Variants in ADAMTS7 observed in about 807,000 individuals in gnomAD.
ADAMTS7 encodes ADAM metallopeptidase with thrombospondin type 1 motif 7.
In ADAMTS7, 89 loss-of-function variants were observed where a neutral mutation model predicts 172.6. The ratio of observed to expected loss-of-function variants is 0.52; its 90% confidence interval spans 0.43 to 0.61. The LOEUF is 0.61. Among genes scored for constraint, ADAMTS7 ranks in the 20% least tolerant of loss-of-function variants. ADAMTS7 has a pLI of 0.00. For missense variants in ADAMTS7, 1,973 were observed against 2,355.6 expected (o/e 0.84, Z 3.36); for synonymous variants, 885 against 978.4 (o/e 0.90, Z 1.78).
chr15:78,776,347 C>T lies in ADAMTS7; in HGVS notation c.1561-14G>A, dbSNP rs751286779. ...ACTGAGACACCACTACTGAGACAGA[C>T]GGAGGTAGAGCCACCCCACCCCCAA... On this transcript the variant is annotated splice_polypyrimidine_tract_variant and intron_variant, in intron 10 of 23. Transcript: ENST00000388820. 2.3e-5 allele frequency: 37 copies of T among 1,607,498 alleles called. No individual in the cohort carries two copies. The highest frequency in any genetic ancestry group is 5.4e-5 in the African/African-American group (4 of 74,742).
intron 10 of ADAMTS7, 76 bp downstream of exon 10, chr15:78,776,673 C>A: frequency 1.4e-6 from 2 of 1,402,006 alleles, no homozygotes; most frequent in South Asian, 1.3e-5. Flanking sequence ...TGAGCCGGGG[C>A]TGACCCCAGG....
chr15:78,779,037 G>C (rs1413890698), intron 8 of ADAMTS7, among the ~76,000 whole-genome samples: 1 of 152,140 alleles, frequency 6.6e-6, no homozygotes, highest in Non-Finnish European at 1.5e-5. Flanking sequence ...AGTGGAGTGG[G>C]TGTTTGCGTG....
At chr15:78,798,620 C>A (rs554741863) in intron 2 of ADAMTS7, among the ~76,000 whole-genome samples, 4 of 152,284 alleles carry the variant, frequency 2.6e-5, no homozygotes, top group East Asian at 1.9e-4. Flanking sequence ...CACACCCGAG[C>A]GGAGGAGATG....
chr15:78,807,240 C>A (rs1331072454), intron 1 of ADAMTS7, among the ~76,000 whole-genome samples: 61 of 152,166 alleles, frequency 4.0e-4, no homozygotes, highest in Non-Finnish European at 2.4e-4. Flanking sequence ...TCCTCAAATG[C>A]ATGTGGTTGG....
Position 78,759,328 on chromosome 15 carries a change from G to C in ADAMTS7, c.*93C>G. ...AGCCTGCTGCTGGGTAGTGAGAGGG[G>C]GTTAGCACCATTAGGGCGCAGGGGG... On this transcript the variant is annotated 3_prime_UTR_variant, in exon 24 of 24. Transcript: ENST00000388820. 7.6e-7 allele frequency: 1 copy of C among 1,320,890 alleles called. No individual in the cohort carries two copies. Among genetic ancestry groups the C allele is most frequent in the Non-Finnish European group, 1.0e-6 (1 of 989,410 alleles). 81.8% of individuals were successfully genotyped at this position (1,320,890 alleles called of 1,614,324 possible). A position where few individuals can be genotyped will look rare whatever the true frequency, so the allele number is the denominator to read the frequency against.
At chr15:78,763,532 G>C (rs1199146607) in intron 22 of ADAMTS7, among the ~76,000 whole-genome samples, 167 bp downstream of exon 22, 1 of 152,210 alleles carries the variant, frequency 6.6e-6, no homozygotes, top group African/African-American at 2.4e-5. Context: ...TTCCTTGTCT[G>C]TTTCTCCCTG....
Position 78,798,072 on chromosome 15 carries a change from C to G in ADAMTS7, c.498G>C (p.Glu166Asp). 6.4e-7 allele frequency: 1 copy of G among 1,566,606 alleles called. No individual in the cohort carries two copies. Among genetic ancestry groups the G allele is most frequent in the Non-Finnish European group, 8.6e-7 (1 of 1,163,924 alleles). The change falls in exon 3 of 24, where the codon GAG becomes GAC. Residue 166 changes from glutamate to aspartate, a missense_variant. Physicochemically the swap from Glu to Asp is conservative, Grantham distance 45. Around this residue, in one of 8 missense-constraint regions of ADAMTS7, gnomAD observed 306 missense variants for 288.0 expected, o/e 1.06. Coordinates refer to ENST00000388820, the MANE Select transcript of ADAMTS7 (RefSeq NM_014272.5). ...GCCGGGCCGGGGCACTGTCCAGGGG[C>G]TCAATGAAGTAGTCCTCGTTGGAGA... ...FQLSNEDYFI[E>D]PLDSAPARPG...
At chr15:78,783,091 G>A (rs2055453995) in intron 8 of ADAMTS7, among the ~76,000 whole-genome samples, 1 of 152,160 alleles carries the variant, frequency 6.6e-6, no homozygotes, top group African/African-American at 2.4e-5. Flanking sequence ...ATTCCTCTCG[G>A]AAAACTGAAT....
At position 78,771,244 on chromosome 15, in the gene ADAMTS7, T is replaced by C; in HGVS notation, c.2436A>G (p.Ala812=). ...GCGGCGGGACCTCGTCGTGGCCACC[T>C]GCCTCCCTGTGGATGGTGTACTCGT... ...VHYEYTIHRE[A]GGHDEVPPPV... The change falls in exon 16 of 24, where the codon GCA becomes GCG. Residue 812 remains alanine, a synonymous_variant. Coordinates refer to ENST00000388820, the MANE Select transcript of ADAMTS7 (RefSeq NM_014272.5). This position sits in a 1 kb window ranked among gnomAD's most constrained non-coding sequence, Gnocchi z 4.9. The C allele has an allele frequency of 6.2e-7, 1 of 1,612,416 alleles. No homozygotes were observed. The highest frequency in any genetic ancestry group is 1.1e-5 in the South Asian group (1 of 90,894).
chr15:78,804,420 G>C (rs1174787539), intron 1 of ADAMTS7, among the ~76,000 whole-genome samples: 3 of 152,088 alleles, frequency 2.0e-5, no homozygotes, highest in Non-Finnish European at 4.4e-5. Context: ...GGAGTTTCTC[G>C]ATTGGATTTA....
intron 4 of ADAMTS7, 128 bp from the exon 5 acceptor site, chr15:78,791,351 G>T: frequency 1.5e-6 from 1 of 672,968 alleles, no homozygotes; most frequent in South Asian, 1.8e-5. Context: ...CTCTCACACT[G>T]GTGCACACAG....
chr15:78,768,355 G>A (rs1253167885), intron 16 of ADAMTS7, 96 bp from the exon 17 acceptor site: 13 of 1,543,084 alleles, frequency 8.4e-6, no homozygotes, highest in Admixed American at 1.8e-5. Flanking sequence ...CCAGAACAGC[G>A]CCTTACTGCC....
At chr15:78,786,219 C>T (rs1021426695) in intron 8 of ADAMTS7, among the ~76,000 whole-genome samples, 7 of 151,912 alleles carry the variant, frequency 4.6e-5, no homozygotes, top group African/African-American at 1.7e-4. Flanking sequence ...CATAAGCCAC[C>T]ACAAGCAAGG....
rs1357492052 is a variant in ADAMTS7 at position 78,762,417 on chromosome 15, G to C, written c.4889C>G (p.Pro1630Arg). Residue 1630 changes from proline (P) to arginine (R), a missense_variant, in exon 23 of 24, where the codon CCC becomes CGC. Around this residue, in one of 8 missense-constraint regions of ADAMTS7, gnomAD observed 94 missense variants for 95.4 expected, o/e 0.99. Transcript: ENST00000388820. ...AGGGGACTCACGGGGAGGCTCGACG[G>C]GCTCACAATCCTCGGTGCCACACGG... ...SRPCGTEDCE[P>R]VEPPRCERDR... 1.3e-6 allele frequency: 2 copies of C among 1,495,962 alleles called. No individual in the cohort carries two copies. The highest frequency in any genetic ancestry group is 4.4e-5 in the Admixed American group (2 of 45,456). 92.7% of individuals were successfully genotyped at this position (1,495,962 alleles called of 1,614,324 possible).
rs774173082 is a variant in ADAMTS7, at chr15:78,776,824, G to A, written c.1485C>T (p.Leu495=). The change falls in exon 10 of 24, where the codon CTC becomes CTT. Residue 495 remains leucine, a synonymous_variant. Transcript: ENST00000388820. ...GACAGGTGGTCCCCACAGAGCACCA[G>A]AGTGTGTGGCAGACATTCTGCGAGG... ...CEDMDNVCHT[L]WCSVGTTCHS... 5.2e-6 allele frequency: 8 copies of A among 1,548,300 alleles called. No homozygotes were observed. The highest frequency in any genetic ancestry group is 6.1e-6 in the Non-Finnish European group (7 of 1,144,968).
rs775799310 is a variant in ADAMTS7 at position 78,771,392 on chromosome 15, C to T, written c.2377-89G>A. ...AGCTGACCCCAGCCACCTCTGTGAA[C>T]TGCAGCTACAAGATTGGGCCATTTT... On this transcript the variant is annotated intron_variant, in intron 15 of 23. Coordinates refer to ENST00000388820, the MANE Select transcript of ADAMTS7 (RefSeq NM_014272.5). This position sits in a 1 kb window ranked among gnomAD's most constrained non-coding sequence, Gnocchi z 4.9. The T allele has an allele frequency of 2.8e-5, 44 of 1,594,298 alleles. No homozygotes were observed. In the South Asian group the frequency reaches 4.6e-4, roughly 17 times the overall value.
chr15:78,777,789 C>A (rs2055373165), intron 8 of ADAMTS7, among the ~76,000 whole-genome samples: 1 of 152,228 alleles, frequency 6.6e-6, no homozygotes, highest in Non-Finnish European at 1.5e-5. Context: ...CTCATCTCAC[C>A]TCCTGGGCAC....
At chr15:78,785,270 A>G (rs1363890482) in intron 8 of ADAMTS7, among the ~76,000 whole-genome samples, 2 of 152,146 alleles carry the variant, frequency 1.3e-5, no homozygotes, top group Non-Finnish European at 2.9e-5. Flanking sequence ...TGCCATCTAG[A>G]TGGGGCGCAG....
In ADAMTS7 at chr15:78,791,986, A is replaced by G. The variant is rs565004067; in HGVS notation, c.820-763T>C. ...CTCAGAACAAAAAAGAGGCCAGCCC[A>G]TGACTGGGGACAGCTGGCAGGTTCC... On this transcript the variant is annotated intron_variant, in intron 4 of 23. Transcript: ENST00000388820. Among the ~76,000 whole-genome samples the G allele has an allele frequency of 1.2e-4, 9 of 77,510 alleles. 1 individual carries two copies. In the South Asian group the frequency reaches 3.6e-3, roughly 31 times the overall value. The allele number at this position is 77,510 out of a possible 152,430, so 50.8% of individuals were successfully genotyped here.
Sources: allele counts gnomAD v4.1 joint callset (sites outside exome capture counted in the v4.1 genomes callset), GRCh38; gene constraint gnomAD v4.1.1; regional missense constraint gnomAD v4.1.1; non-coding constraint Gnocchi (gnomAD v3.1); transcripts MANE v1.5; gene names NCBI Gene and HGNC (gene_info 2026-07-23, HGNC 2026-07-21).